RIC1: variants seen among roughly 807,000 people sequenced by gnomAD.
RIC1 encodes RIC1 partner of RAB6A GEF complex.
In RIC1, 88 loss-of-function variants were observed where a neutral mutation model predicts 169.0. The ratio of observed to expected loss-of-function variants is 0.52; its 90% CI spans 0.44 to 0.62. RIC1 has a LOEUF of 0.62. Among genes scored for constraint, RIC1 ranks in the 20% least tolerant of loss-of-function variants. RIC1 has a pLI of 0.00. For missense variants in RIC1, 1,877 were observed against 1,725.5 expected, an observed-to-expected ratio of 1.09 and a Z score of -1.56; for synonymous variants, 790 against 601.5, an observed-to-expected ratio of 1.31 and a Z score of -4.59.
At chr9:5,725,366 T>G (rs1823898809) in intron 6 of RIC1, among the ~76,000 whole-genome samples, 3 of 152,210 alleles carry the variant, frequency 2.0e-5, no homozygotes, top group Admixed American at 2.0e-4. Flanking sequence ...TAGTATTCTC[T>G]GATGGTAGTT....
At chr9:5,729,956 C>G (rs192978985) in intron 6 of RIC1, among the ~76,000 whole-genome samples, 12 of 151,986 alleles carry the variant, frequency 7.9e-5, no homozygotes, top group Non-Finnish European at 1.5e-4. Context: ...TGACTCTTTT[C>G]CAAGTACTTT....
intron 3 of RIC1, among the ~76,000 whole-genome samples, chr9:5,692,876 C>G (rs1821666118): frequency 6.6e-6 from 1 of 151,992 alleles, no homozygotes; most frequent in Non-Finnish European, 1.5e-5. Context: ...TATTTAATCC[C>G]TTTAGCAACC....
intron 21 of RIC1, among the ~76,000 whole-genome samples, chr9:5,768,161 A>G (rs548303592): frequency 2.2e-4 from 33 of 152,298 alleles, no homozygotes; most frequent in African/African-American, 7.2e-4. Flanking sequence ...CAGTTACCAA[A>G]CCAGTTCCCC....
chr9:5,745,009 T>G (rs1825296189), intron 10 of RIC1, among the ~76,000 whole-genome samples: 1 of 152,144 alleles, frequency 6.6e-6, no homozygotes, highest in African/African-American at 2.4e-5. Context: ...TTCCCAAACT[T>G]TCACCACCAA....
At chr9:5,660,213 C>G (rs942536578) in intron 2 of RIC1, among the ~76,000 whole-genome samples, 1 of 152,190 alleles carries the variant, frequency 6.6e-6, no homozygotes, top group East Asian at 1.9e-4. Flanking sequence ...GCATAGTATT[C>G]CATCGTGTAT....
intron 1 of RIC1, among the ~76,000 whole-genome samples, chr9:5,651,588 C>T (rs141208232): frequency 0.016 from 1,821 of 113,984 alleles, 50 homozygotes; most frequent in African/African-American, 0.055. Flanking sequence ...TTTATTGAGA[C>T]AGTCTCACCC....
intron 2 of RIC1, among the ~76,000 whole-genome samples, chr9:5,675,003 A>G (rs1586922926): frequency 6.6e-6 from 1 of 152,196 alleles, no homozygotes; most frequent in Admixed American, 6.5e-5. Context: ...TTTCTTTTTA[A>G]TTCTCAGCAA....
chr9:5,666,142 G>A (rs1040891318), intron 2 of RIC1, among the ~76,000 whole-genome samples: 1 of 152,144 alleles, frequency 6.6e-6, no homozygotes, highest in Non-Finnish European at 1.5e-5. Context: ...CAGCTGGGAA[G>A]ACCCACTACC....
At chr9:5,680,739 TTTC>T (rs1401122483) in intron 2 of RIC1, among the ~76,000 whole-genome samples, 1 of 152,026 alleles carries the variant, frequency 6.6e-6, no homozygotes, top group South Asian at 2.1e-4. Flanking sequence ...TCTTCTCCGT[TTTC>T]TTCTTTATTA....
chr9:5,671,014 A>C (rs1024559251), intron 2 of RIC1, among the ~76,000 whole-genome samples: 1 of 152,102 alleles, frequency 6.6e-6, no homozygotes, highest in Non-Finnish European at 1.5e-5. Context: ...AAACCTGAGA[A>C]GGTATCTGAA....
chr9:5,698,835 A>G (rs982211442), intron 3 of RIC1, among the ~76,000 whole-genome samples: 1 of 152,224 alleles, frequency 6.6e-6, no homozygotes, highest in East Asian at 1.9e-4. Flanking sequence ...ATGTGCCTCC[A>G]TTGCATATTT....
chr9:5,722,637 A>G (rs1192633560), intron 6 of RIC1, among the ~76,000 whole-genome samples: 1 of 152,064 alleles, frequency 6.6e-6, no homozygotes, highest in African/African-American at 2.4e-5. Context: ...CACATGTGCC[A>G]TGTTGGTGTT....
In RIC1 at chr9:5,689,173, T is replaced by C. The variant is rs200107845; in HGVS notation, c.253-786T>C. ...ACGCCATTCTCCTGCCTCAGCCTCC[T>C]GAGTAGCTGGGATTACAGGCGCCTG... On this transcript the variant is annotated intron_variant, in intron 2 of 25. Transcript: ENST00000414202. 3.7e-3 allele frequency among the ~76,000 whole-genome samples: 544 copies of C among 147,540 alleles called. 1 individual carries two copies. Among genetic ancestry groups the C allele is most frequent in the Middle Eastern group, 0.011 (3 of 284 alleles).
intron 3 of RIC1, among the ~76,000 whole-genome samples, chr9:5,694,033 TC>T (rs1436862290): frequency 6.6e-6 from 1 of 152,040 alleles, no homozygotes; most frequent in African/African-American, 2.4e-5. Flanking sequence ...CTTCTCCTCT[TC>T]CCCCTCCACC....
chr9:5,765,887 C>A, intron 21 of RIC1, 89 bp downstream of exon 21: 1 of 1,470,300 alleles, frequency 6.8e-7, no homozygotes, highest in Non-Finnish European at 9.3e-7. Context: ...TTAATGGAAA[C>A]AACTATTTAA....
intron 2 of RIC1, among the ~76,000 whole-genome samples, chr9:5,659,486 T>G (rs868027389): frequency 7.2e-5 from 11 of 152,214 alleles, no homozygotes; most frequent in South Asian, 4.1e-4. Context: ...CAGTATCATC[T>G]ATAGTTTTGA....
At chr9:5,688,064 A>G (rs934476715) in intron 2 of RIC1, among the ~76,000 whole-genome samples, 3 of 152,298 alleles carry the variant, frequency 2.0e-5, no homozygotes, top group South Asian at 4.1e-4. Flanking sequence ...TGAGTTTTCT[A>G]TATTGCCTAA....
At chr9:5,757,014 C>G (rs1826052785) in intron 16 of RIC1, among the ~76,000 whole-genome samples, 1 of 152,170 alleles carries the variant, frequency 6.6e-6, no homozygotes, top group Non-Finnish European at 1.5e-5. Flanking sequence ...ATTGAACCAT[C>G]ATTCTTTCTC....
chr9:5,739,698 G>C (rs1422933797), intron 8 of RIC1, among the ~76,000 whole-genome samples: 3 of 152,162 alleles, frequency 2.0e-5, no homozygotes, highest in Admixed American at 1.3e-4. Context: ...AAAGGTGGAA[G>C]GGCTAATGGC....
Sources: allele counts gnomAD v4.1 joint callset (sites outside exome capture counted in the v4.1 genomes callset), GRCh38; gene constraint gnomAD v4.1.1; transcripts MANE v1.5; gene names NCBI Gene and HGNC (gene_info 2026-07-23, HGNC 2026-07-21).